OPCML: variants seen among roughly 807,000 people sequenced by gnomAD.
OPCML encodes the protein opioid binding protein/cell adhesion molecule like.
Under a neutral mutation model 37.8 loss-of-function variants are expected in OPCML, and 13 were observed. That is an observed-to-expected ratio of 0.34 (90% CI 0.22 to 0.55). The LOEUF is 0.55. Among genes scored for constraint, OPCML ranks in the 20% least tolerant of loss-of-function variants. OPCML has a pLI of 0.91. For synonymous variants in OPCML, 176 were observed against 168.8 expected (o/e 1.04, Z -0.33); for missense variants, 341 against 435.6 (o/e 0.78, Z 1.93).
chr11:132,769,690 A>ACGCATGTGGGAGACT (rs1308679616), intron 2 of OPCML, among the ~76,000 whole-genome samples: 2 of 152,136 alleles, frequency 1.3e-5, no homozygotes, highest in African/African-American at 4.8e-5. Context: ...AGCCACAGAC[A>ACGCATGTGGGAGACT]CGCATGTGGG....
intron 1 of OPCML, among the ~76,000 whole-genome samples, chr11:133,277,936 C>A (rs1408180517): frequency 6.6e-6 from 1 of 152,132 alleles, no homozygotes; most frequent in Non-Finnish European, 1.5e-5. Context: ...TCTGCTAGGA[C>A]ATGGCAGAGG....
chr11:132,498,507 T>G lies in OPCML; in HGVS notation c.505+30554A>C, dbSNP rs192836753. On this transcript the variant is annotated intron_variant, in intron 4 of 7. Transcript: ENST00000524381. ...TATTCAATTTAAGACAGAAGAATCA[T>G]ACAACTTTTGAAGGAGAGACTGTCT... Among the ~76,000 whole-genome samples, 24 of 152,358 alleles carry G rather than the reference T, an allele frequency of 1.6e-4. 1 individual carries two copies. In the East Asian group the frequency reaches 4.6e-3, roughly 29 times the overall value.
At chr11:133,225,422 T>C (rs1439995421) in intron 1 of OPCML, among the ~76,000 whole-genome samples, 1 of 152,234 alleles carries the variant, frequency 6.6e-6, no homozygotes, top group Non-Finnish European at 1.5e-5. Context: ...GCCCGTGACC[T>C]GACTGACCTT....
chr11:132,710,332 T>G (rs1196375518), intron 2 of OPCML, among the ~76,000 whole-genome samples: 3 of 152,338 alleles, frequency 2.0e-5, no homozygotes, highest in African/African-American at 4.8e-5. Flanking sequence ...TGGTATTTTT[T>G]GGGATACAAG....
At chr11:133,523,702 C>G (rs1475500378) in intron 1 of OPCML, among the ~76,000 whole-genome samples, 2 of 152,174 alleles carry the variant, frequency 1.3e-5, no homozygotes, top group East Asian at 3.9e-4. Flanking sequence ...GGCTGCCAGC[C>G]TCATCTTGGC....
chr11:133,089,243 A>C (rs1387743131), intron 1 of OPCML, among the ~76,000 whole-genome samples: 1 of 152,168 alleles, frequency 6.6e-6, no homozygotes, highest in Non-Finnish European at 1.5e-5. Context: ...GAAATATGAC[A>C]AAAAAACAGG....
chr11:132,735,365 G>A (rs1386683923), intron 2 of OPCML, among the ~76,000 whole-genome samples: 1 of 152,030 alleles, frequency 6.6e-6, no homozygotes, highest in Non-Finnish European at 1.5e-5. Flanking sequence ...TTGTCTAAGG[G>A]CAGAAACCCA....
intron 1 of OPCML, among the ~76,000 whole-genome samples, chr11:132,973,785 C>T (rs1486746576): frequency 3.9e-5 from 6 of 152,210 alleles, no homozygotes; most frequent in Non-Finnish European, 7.3e-5. Context: ...CTTCTCATTC[C>T]CCTGAGTCCC....
chr11:132,615,197 C>T (rs1938926287), intron 3 of OPCML, among the ~76,000 whole-genome samples: 1 of 152,214 alleles, frequency 6.6e-6, no homozygotes, highest in African/African-American at 2.4e-5. Context: ...AAGAGGACTA[C>T]TGGTTATTGC....
chr11:132,431,665 C>G (rs1258028215), intron 7 of OPCML, among the ~76,000 whole-genome samples: 2 of 152,212 alleles, frequency 1.3e-5, no homozygotes, highest in Non-Finnish European at 2.9e-5. Flanking sequence ...AACCCATTGT[C>G]TCCAGTTTTT....
chr11:132,954,382 T>C (rs1455545885), intron 1 of OPCML, among the ~76,000 whole-genome samples: 1 of 152,042 alleles, frequency 6.6e-6, no homozygotes, highest in Non-Finnish European at 1.5e-5. Context: ...CTTGGAAAGC[T>C]GCTCAAAGGA....
At chr11:132,459,378 C>T (rs1421500051) in intron 4 of OPCML, among the ~76,000 whole-genome samples, 2 of 150,420 alleles carry the variant, frequency 1.3e-5, no homozygotes, top group Admixed American at 1.3e-4. Context: ...ATCACATGAG[C>T]CAATTCCTTT....
At chr11:132,659,245 A>G (rs1373025850) in intron 2 of OPCML, among the ~76,000 whole-genome samples, 1 of 152,178 alleles carries the variant, frequency 6.6e-6, no homozygotes, top group Non-Finnish European at 1.5e-5. Flanking sequence ...TTAAACGTTA[A>G]TGGATCCTCC....
Position 132,942,967 on chromosome 11 carries a change from C to A in OPCML, c.105G>T (p.Met35Ile). 6.2e-7 allele frequency: 1 copy of A among 1,614,140 alleles called. No individual in the cohort carries two copies. The highest frequency in any genetic ancestry group is 8.5e-7 in the Non-Finnish European group (1 of 1,180,012). ...RSGDATFPKA[M>I]DNVTVRQGES... ...CCCCCTGCCGGACCGTCACGTTGTC[C>A]ATAGCTTTGGGGAAGGTGGCATCTC... Residue 35 changes from methionine to isoleucine, a missense_variant, in exon 2 of 8, where the codon ATG becomes ATT. Physicochemically the swap from Met to Ile is conservative, Grantham distance 10. Transcript: ENST00000524381.
chr11:132,739,183 C>G (rs539899567), intron 2 of OPCML, among the ~76,000 whole-genome samples: 14 of 152,306 alleles, frequency 9.2e-5, no homozygotes, highest in Middle Eastern at 3.4e-3. Context: ...CCCCAAAAAG[C>G]CTGATCCTCT....
intron 2 of OPCML, among the ~76,000 whole-genome samples, chr11:132,810,037 G>C (rs12800091): frequency 6.6e-6 from 1 of 152,056 alleles, no homozygotes; most frequent in African/African-American, 2.4e-5. Context: ...TTTTAGTAGA[G>C]ACGGGATTTC....
intron 1 of OPCML, among the ~76,000 whole-genome samples, chr11:133,461,340 A>G (rs1354828604): frequency 6.6e-6 from 1 of 151,906 alleles, no homozygotes; most frequent in Non-Finnish European, 1.5e-5. Flanking sequence ...TGTCACACAT[A>G]TGCACCCACA....
rs148841823 is a variant in OPCML at position 132,621,156 on chromosome 11, T to C, written c.379+35931A>G. ...GATGGCTACAATTTTAAAAGGCTAA[T>C]AATACTGTCTTGCTGAGGATGCATC... On this transcript the variant is annotated intron_variant, in intron 3 of 7. Transcript: ENST00000524381. 7.6e-4 allele frequency among the ~76,000 whole-genome samples: 116 copies of C among 152,344 alleles called. 2 individuals are homozygous for C. In the East Asian group the frequency reaches 0.022, roughly 29 times the overall value.
chr11:132,953,391 A>G (rs1945905543), intron 1 of OPCML, among the ~76,000 whole-genome samples: 2 of 152,104 alleles, frequency 1.3e-5, no homozygotes, highest in Non-Finnish European at 1.5e-5. Flanking sequence ...CTGGACCCCA[A>G]AGCCTCAACT....
Sources: allele counts gnomAD v4.1 joint callset (sites outside exome capture counted in the v4.1 genomes callset), GRCh38; gene constraint gnomAD v4.1.1; transcripts MANE v1.5; gene names NCBI Gene and HGNC (gene_info 2026-07-23, HGNC 2026-07-21).